ACTR6: variants seen among roughly 807,000 people sequenced by gnomAD.
The protein encoded by ACTR6 is actin-related protein 6.
Under a neutral mutation model 52.5 loss-of-function variants are expected in ACTR6, and 50 were observed. The observed-to-expected ratio is 0.95, with a 90% CI of 0.76 to 1.20. The LOEUF is 1.20. ACTR6 is among the 50% of genes most tolerant of loss of function. The probability of loss-of-function intolerance (pLI) is 0.00; values close to 1 mark genes in which losing one functional copy is unlikely to be tolerated. For missense variants in ACTR6, 344 were observed against 472.4 expected, an observed-to-expected ratio of 0.73 and a Z score of 2.52; for synonymous variants, 135 against 147.2, an observed-to-expected ratio of 0.92 and a Z score of 0.60.
chr12:100,209,077 G>C (rs1447921746), intron 4 of ACTR6, among the ~76,000 whole-genome samples: 4 of 152,232 alleles, frequency 2.6e-5, no homozygotes, highest in African/African-American at 9.6e-5. Context: ...AATGTTAGTA[G>C]CTCAGGCTGC....
intron 4 of ACTR6, 22 bp downstream of exon 4, chr12:100,207,808 A>T (rs1566292392): frequency 1.3e-6 from 2 of 1,585,084 alleles, no homozygotes; most frequent in Non-Finnish European, 1.7e-6. Flanking sequence ...TTTTCACTGA[A>T]ATTGAGTTAT....
chr12:100,217,362 AG>A (rs2096124689), intron 8 of ACTR6, among the ~76,000 whole-genome samples: 2 of 152,228 alleles, frequency 1.3e-5, no homozygotes, highest in Admixed American at 1.3e-4. Context: ...AAAACCTCTC[AG>A]GAAGCTGAAA....
chr12:100,206,905 C>T (rs1041682947), intron 3 of ACTR6, among the ~76,000 whole-genome samples: 1 of 150,112 alleles, frequency 6.7e-6, no homozygotes, highest in Non-Finnish European at 1.5e-5. Context: ...GTCTGGAACT[C>T]CTGACCTCAG....
chr12:100,212,042 T>A (rs1430058793), intron 6 of ACTR6, among the ~76,000 whole-genome samples: 1 of 152,200 alleles, frequency 6.6e-6, no homozygotes, highest in Non-Finnish European at 1.5e-5. Context: ...TTTCCTTACC[T>A]ATAAACTAGA....
Position 100,219,842 on chromosome 12 carries a change from AC to A in ACTR6, c.923-164del, listed in dbSNP as rs1454930026. ...CATGTCTTTATTTGTATAAACTGTA[AC>A]CTCATTACAAATCTTAGAATGGACC... On this transcript the variant is annotated intron_variant, in intron 9 of 10. Transcript: ENST00000188312. Among the ~76,000 whole-genome samples, 5 of 152,234 alleles carry A rather than the reference AC, an allele frequency of 3.3e-5. No individual in the cohort carries two copies. The East Asian group carries it at 7.7e-4, about 23-fold the overall frequency.
At chr12:100,208,803 G>A (rs1233395629) in intron 4 of ACTR6, 1 of 453,892 alleles carries the variant, frequency 2.2e-6, no homozygotes, top group Admixed American at 2.4e-5. Flanking sequence ...CTAGAGTGTG[G>A]TGGCACAAAC....
At chr12:100,208,715 C>G (rs1592836977) in intron 4 of ACTR6, 5 of 455,812 alleles carry the variant, frequency 1.1e-5, no homozygotes, top group African/African-American at 2.0e-5. Flanking sequence ...GTTATCTTTC[C>G]TGTCATTTAT....
At chr12:100,208,749 T>C (rs1331079182) in intron 4 of ACTR6, 1 of 456,066 alleles carries the variant, frequency 2.2e-6, no homozygotes, top group Non-Finnish European at 4.4e-6. Context: ...TTATTGTTTG[T>C]TTGTTTGTTT....
Position 100,210,085 on chromosome 12 carries a change from GT to G in ACTR6, c.393del (p.Ser131ArgfsTer27). 1 of 1,595,386 alleles carries G rather than the reference GT, an allele frequency of 6.3e-7. No individual in the cohort carries two copies. Among genetic ancestry groups the G allele is most frequent in the Non-Finnish European group, 8.5e-7 (1 of 1,175,180 alleles). On this transcript the variant is annotated frameshift_variant, in exon 5 of 11. Transcript: ENST00000188312. LOFTEE classifies it high-confidence loss of function. ...AVLRVNAGAL[S>X]AHRYFRDNPS... ...TTTTTTTAAATAGCTGGGGCTCTCAGTGCACATAGGTATTTCCGAGATAATC... is the reference window on the plus strand; with the variant it reads ...TTTTTTTAAATAGCTGGGGCTCTCAGGCACATAGGTATTTCCGAGATAATC...
Position 100,223,977 on chromosome 12 carries a change from G to A in ACTR6, c.*62G>A, listed in dbSNP as rs1381610748. On this transcript the variant is annotated 3_prime_UTR_variant, in exon 11 of 11. Transcript: ENST00000188312. ...TAATTTCAAAGTTCCTTTTAAAAGA[G>A]GTTAAGGAACTGTGTTACCTTTTGT... 3 of 1,537,854 alleles carry A rather than the reference G, an allele frequency of 2.0e-6. No individual in the cohort carries two copies. The highest frequency in any genetic ancestry group is 2.8e-5 in the African/African-American group (2 of 71,828).
chr12:100,220,691 TGG>T (rs148734486), intron 10 of ACTR6, among the ~76,000 whole-genome samples: 7,133 of 152,208 alleles, frequency 0.047, 525 homozygotes, highest in African/African-American at 0.16. Flanking sequence ...TCCACTTCAG[TGG>T]TTAAAATAAA....
intron 8 of ACTR6, among the ~76,000 whole-genome samples, chr12:100,217,606 A>G (rs1421316402): frequency 6.6e-6 from 1 of 152,210 alleles, no homozygotes; most frequent in Non-Finnish European, 1.5e-5. Flanking sequence ...GCAGAAAATA[A>G]ATAACAAGAA....
intron 10 of ACTR6, among the ~76,000 whole-genome samples, chr12:100,220,688 C>T (rs952587868): frequency 6.6e-6 from 1 of 150,822 alleles, no homozygotes. Flanking sequence ...ACTTCCACTT[C>T]AGTGGTTAAA....
At chr12:100,215,211 T>A (rs2096123087) in intron 8 of ACTR6, among the ~76,000 whole-genome samples, 1 of 152,222 alleles carries the variant, frequency 6.6e-6, no homozygotes, top group Non-Finnish European at 1.5e-5. Context: ...ATTGCCTGTT[T>A]CATAAGTTTG....
chr12:100,210,142 G>T lies in ACTR6; in HGVS notation c.449G>T (p.Ser150Ile), dbSNP rs79596103. The change falls in exon 5 of 11, where the codon AGT becomes ATT. Residue 150 changes from serine (S) to isoleucine (I), a missense_variant. Coordinates refer to ENST00000188312, the MANE Select transcript of ACTR6 (RefSeq NM_022496.5). ...PSELCCIIVD[S>I]GYSFTHIVPY... is the part of the protein sequence containing the mutation. ...GAATTATGCTGTATCATTGTTGATA[G>T]TGGATATTCCTTTACACATATAGTT... is the stretch of plus-strand genomic sequence containing the variant. The T allele has an allele frequency of 1.5e-4, 239 of 1,610,654 alleles. 1 individual carries two copies. The African/African-American group carries it at 3.0e-3, about 20-fold the overall frequency.
chr12:100,219,062 ATAAT>A (rs2096126002), intron 9 of ACTR6, among the ~76,000 whole-genome samples: 1 of 151,688 alleles, frequency 6.6e-6, no homozygotes, highest in Non-Finnish European at 1.5e-5. Context: ...CCTTAAGTAA[ATAAT>A]GTTCCAGAGT....
In ACTR6 at chr12:100,223,771, TA is replaced by T. The variant is rs778695851; in HGVS notation, c.1062-14del. On this transcript the variant is annotated splice_polypyrimidine_tract_variant and intron_variant, in intron 10 of 10. Coordinates refer to ENST00000188312, the MANE Select transcript of ACTR6 (RefSeq NM_022496.5). The stretch of plus-strand genomic sequence containing the variant: ...CTGTAAAATCATCTGGGTTCATTTA[TA>T]CCTTTATTTTCAGCCCTATTACTTA... 8.1e-6 allele frequency: 13 copies of T among 1,598,456 alleles called. No individual in the cohort carries two copies. The highest frequency in any genetic ancestry group is 2.3e-5 in the South Asian group (2 of 87,106).
In ACTR6 at chr12:100,220,076, G is replaced by T; in HGVS notation, c.991G>T (p.Asp331Tyr). The change falls in exon 10 of 11, where the codon GAT (aspartate) becomes TAT (tyrosine). Residue 331 changes from aspartate to tyrosine, a missense_variant. Transcript: ENST00000188312. ...GGNSLFPGFR[D>Y]RVYSEVRCLT... The stretch of plus-strand genomic sequence containing the variant: ...AAATTCCCTTTTCCCAGGATTTAGG[G>T]ATCGGGTTTACTCAGAAGTTCGATG... 2 of 1,613,894 alleles carry T rather than the reference G, an allele frequency of 1.2e-6. No homozygotes were observed. Among genetic ancestry groups the T allele is most frequent in the Non-Finnish European group, 1.7e-6 (2 of 1,179,940 alleles).
chr12:100,207,880 G>A (rs901767664), intron 4 of ACTR6, 94 bp downstream of exon 4: 1 of 1,403,690 alleles, frequency 7.1e-7, no homozygotes, highest in African/African-American at 1.4e-5. Context: ...TGGCATTCTT[G>A]GCTAGCACAG....
Sources: allele counts gnomAD v4.1 joint callset (sites outside exome capture counted in the v4.1 genomes callset), GRCh38; gene constraint gnomAD v4.1.1; transcripts MANE v1.5; gene names NCBI Gene and HGNC (gene_info 2026-07-23, HGNC 2026-07-21).